The following DLGAP1 variants were observed in gnomAD, a reference collection of about 807,000 sequenced individuals.
DLGAP1 encodes disks large-associated protein 1.
Under a neutral mutation model 90.8 loss-of-function variants are expected in DLGAP1, and 11 were observed. The observed-to-expected ratio is 0.12, with a 90% CI of 0.08 to 0.20. The LOEUF (loss-of-function observed/expected upper bound fraction) is 0.20. Ranked by LOEUF, DLGAP1 falls within the 10% of genes least tolerant of loss-of-function variation. The pLI is 1.00. For missense variants in DLGAP1, 1,050 were observed against 1,333.8 expected (o/e 0.79, Z 3.31); for synonymous variants, 558 against 540.7 (o/e 1.03, Z -0.44).
At chr18:4,003,437 G>GT (rs11457362) in intron 3 of DLGAP1, among the ~76,000 whole-genome samples, 81,213 of 130,148 alleles carry the variant, frequency 0.62, 26,009 homozygotes, top group East Asian at 0.73. Flanking sequence ...TAATATCATT[G>GT]TTTTTTTTTT....
chr18:4,203,394 T>G (rs1266098797), intron 1 of DLGAP1, among the ~76,000 whole-genome samples: 1 of 152,130 alleles, frequency 6.6e-6, no homozygotes, highest in Non-Finnish European at 1.5e-5. Flanking sequence ...AGGGCCCACA[T>G]TTGTCATGAG....
chr18:3,871,573 G>GGACTAAA (rs2070751979), intron 4 of DLGAP1, among the ~76,000 whole-genome samples: 2 of 152,006 alleles, frequency 1.3e-5, no homozygotes, highest in Non-Finnish European at 2.9e-5. Context: ...CTTATTAAGG[G>GGACTAAA]GACTAAAACC....
At chr18:4,260,079 C>T (rs9630754) in intron 1 of DLGAP1, among the ~76,000 whole-genome samples, 49,556 of 152,036 alleles carry the variant, frequency 0.33, 11,662 homozygotes, top group African/African-American at 0.67. Flanking sequence ...ACAAGAAGCA[C>T]CTATTTTATG....
intron 10 of DLGAP1, among the ~76,000 whole-genome samples, chr18:3,523,683 TA>T (rs537654481): frequency 6.6e-6 from 1 of 151,596 alleles, no homozygotes; most frequent in Non-Finnish European, 1.5e-5. Context: ...CCGTCTCTAC[TA>T]AAAATACAAA....
chr18:4,393,427 T>A (rs1468665559), intron 1 of DLGAP1, among the ~76,000 whole-genome samples: 1 of 152,174 alleles, frequency 6.6e-6, no homozygotes, highest in Non-Finnish European at 1.5e-5. Flanking sequence ...CTACCTGGAA[T>A]GGACTCTACC....
intron 4 of DLGAP1, among the ~76,000 whole-genome samples, chr18:3,851,707 C>T (rs1462153728): frequency 6.6e-6 from 1 of 152,102 alleles, no homozygotes; most frequent in Non-Finnish European, 1.5e-5. Flanking sequence ...GAAGACCAGT[C>T]AGGAATTTCT....
intron 8 of DLGAP1, 143 bp downstream of exon 8, chr18:3,581,732 A>G: frequency 1.0e-6 from 1 of 999,690 alleles, no homozygotes; most frequent in Non-Finnish European, 1.5e-6. Context: ...TACGGAGTCC[A>G]CAGCCAATCA....
At chr18:3,610,975 G>A (rs535014569) in intron 7 of DLGAP1, among the ~76,000 whole-genome samples, 15 of 150,854 alleles carry the variant, frequency 9.9e-5, no homozygotes, top group African/African-American at 3.4e-4. Context: ...GCACGTTAGC[G>A]AAATTTGTAT....
At chr18:4,420,518 T>G (rs2083005177) in intron 1 of DLGAP1, among the ~76,000 whole-genome samples, 2 of 152,190 alleles carry the variant, frequency 1.3e-5, no homozygotes, top group Admixed American at 1.3e-4. Flanking sequence ...CTCTCTCTCT[T>G]TCTCCTCACC....
chr18:3,753,037 C>T (rs918229802), intron 5 of DLGAP1, among the ~76,000 whole-genome samples: 1 of 151,972 alleles, frequency 6.6e-6, no homozygotes, highest in Non-Finnish European at 1.5e-5. Flanking sequence ...TATAGGAAAA[C>T]ATTTGAGATA....
At chr18:3,590,121 G>T (rs896127797) in intron 7 of DLGAP1, among the ~76,000 whole-genome samples, 2 of 152,124 alleles carry the variant, frequency 1.3e-5, no homozygotes, top group African/African-American at 2.4e-5. Context: ...TGTTGGTCAG[G>T]CTGGTCTCGA....
intron 8 of DLGAP1, among the ~76,000 whole-genome samples, chr18:3,569,033 C>G (rs944362192): frequency 1.3e-5 from 2 of 151,324 alleles, no homozygotes; most frequent in Non-Finnish European, 2.9e-5. Context: ...GACAGAGTCT[C>G]ACTCTGTCCC....
chr18:4,394,443 T>C (rs1156539217), intron 1 of DLGAP1, among the ~76,000 whole-genome samples: 1 of 152,206 alleles, frequency 6.6e-6, no homozygotes, highest in Non-Finnish European at 1.5e-5. Flanking sequence ...ACTAAGTAAT[T>C]GTTCAGGTGA....
At chr18:3,694,545 G>A (rs562789545) in intron 7 of DLGAP1, among the ~76,000 whole-genome samples, 1 of 152,316 alleles carries the variant, frequency 6.6e-6, no homozygotes, top group East Asian at 1.9e-4. Flanking sequence ...TCCAGCATAT[G>A]TTGTTTCCTG....
chr18:4,141,424 A>G (rs76876956), intron 2 of DLGAP1, among the ~76,000 whole-genome samples: 3,579 of 152,104 alleles, frequency 0.024, 111 homozygotes, highest in South Asian at 0.08. Flanking sequence ...AAGAATACAC[A>G]AGCATGCATT....
In DLGAP1 at chr18:4,187,044, G is replaced by C. The variant is rs372679203; in HGVS notation, c.-266-35757C>G. Among the ~76,000 whole-genome samples the C allele has an allele frequency of 7.9e-4, 120 of 152,124 alleles. 2 individuals carry two copies. The highest frequency in any genetic ancestry group is 2.8e-3 in the African/African-American group (115 of 41,502). ...TAAATGAGATTGTGTTCCTGATTTG[G>C]CTCTTGGCTTGACTGTTGTTGGTAT... On this transcript the variant is annotated intron_variant, in intron 1 of 12. Transcript: ENST00000315677.
At chr18:4,025,773 A>G (rs530509013) in intron 2 of DLGAP1, among the ~76,000 whole-genome samples, 2 of 152,332 alleles carry the variant, frequency 1.3e-5, no homozygotes, top group Admixed American at 1.3e-4. Context: ...ATTTATAAAT[A>G]TCATATATAC....
chr18:3,816,968 ACAG>A (rs1180318246), intron 4 of DLGAP1, among the ~76,000 whole-genome samples: 57 of 152,232 alleles, frequency 3.7e-4, no homozygotes, highest in Non-Finnish European at 1.5e-4. Context: ...CAAAATCACC[ACAG>A]CAACAAAGAT....
chr18:3,761,683 C>T (rs1179528577), intron 5 of DLGAP1, among the ~76,000 whole-genome samples: 2 of 151,798 alleles, frequency 1.3e-5, no homozygotes, highest in Non-Finnish European at 2.9e-5. Context: ...TCAAGCTATT[C>T]TCCTGCTTCA....
Sources: allele counts gnomAD v4.1 joint callset (sites outside exome capture counted in the v4.1 genomes callset), GRCh38; gene constraint gnomAD v4.1.1; transcripts MANE v1.5; gene names NCBI Gene and HGNC (gene_info 2026-07-23, HGNC 2026-07-21).